The following CR1L variants were observed in gnomAD, a reference collection of about 807,000 sequenced individuals.
CR1L encodes complement C3b/C4b receptor 1 like, also known as complement component receptor 1-like protein.
Under a neutral mutation model 62.3 loss-of-function variants are expected in CR1L, and 59 were observed. The observed-to-expected ratio is 0.95, with a 90% confidence interval of 0.77 to 1.18. The LOEUF is 1.18. Among genes scored for constraint, CR1L ranks in the 50% most tolerant of loss-of-function variants. CR1L has a pLI of 0.00. For synonymous variants in CR1L, 279 were observed against 248.7 expected, an observed-to-expected ratio of 1.12 and a Z score of -1.15; for missense variants, 700 against 702.8, an observed-to-expected ratio of 1.00 and a Z score of 0.04.
intron 1 of CR1L, among the ~76,000 whole-genome samples, chr1:207,675,015 G>GT (rs1212967119): frequency 6.6e-6 from 1 of 151,884 alleles, no homozygotes; most frequent in Non-Finnish European, 1.5e-5. Context: ...TTTTTTTTAA[G>GT]TTTTATAAGT....
At chr1:207,687,930 A>T (rs1332073568) in intron 4 of CR1L, among the ~76,000 whole-genome samples, 1 of 152,000 alleles carries the variant, frequency 6.6e-6, no homozygotes, top group Non-Finnish European at 1.5e-5. Context: ...CATTTTAATA[A>T]TATTCAATTT....
intron 5 of CR1L, among the ~76,000 whole-genome samples, chr1:207,695,282 C>T (rs1445696707): frequency 6.6e-6 from 1 of 152,112 alleles, no homozygotes; most frequent in Non-Finnish European, 1.5e-5. Flanking sequence ...CATGCTACCA[C>T]ACCTGGTTAA....
At chr1:207,690,109 A>G (rs1253922667) in intron 4 of CR1L, among the ~76,000 whole-genome samples, 1 of 151,948 alleles carries the variant, frequency 6.6e-6, no homozygotes, top group African/African-American at 2.4e-5. Context: ...TTTCTCTTTT[A>G]CTGATTTCTG....
chr1:207,666,533 G>C (rs1269274143), intron 1 of CR1L, among the ~76,000 whole-genome samples: 1 of 152,152 alleles, frequency 6.6e-6, no homozygotes, highest in African/African-American at 2.4e-5. Flanking sequence ...AAAAAAGAAT[G>C]AGATCATGTC....
intron 7 of CR1L, among the ~76,000 whole-genome samples, chr1:207,698,353 C>T (rs1035247712): frequency 2.0e-5 from 3 of 152,090 alleles, no homozygotes; most frequent in Non-Finnish European, 4.4e-5. Flanking sequence ...TAAAAATCAG[C>T]ATTTTAAAAA....
chr1:207,676,813 C>T (rs1476922689), intron 1 of CR1L, among the ~76,000 whole-genome samples: 1 of 152,092 alleles, frequency 6.6e-6, no homozygotes, highest in Non-Finnish European at 1.5e-5. Context: ...TGCCACCATG[C>T]TCTGCTAATT....
chr1:207,646,208 A>G (rs1398164710), intron 1 of CR1L, among the ~76,000 whole-genome samples: 2 of 151,998 alleles, frequency 1.3e-5, no homozygotes, highest in African/African-American at 2.4e-5. Context: ...GCTTTTTGAC[A>G]TTGTTTTCCT....
intron 4 of CR1L, among the ~76,000 whole-genome samples, chr1:207,687,494 C>A (rs578114053): frequency 6.6e-6 from 1 of 152,158 alleles, no homozygotes; most frequent in Non-Finnish European, 1.5e-5. Flanking sequence ...ACCCCAGAAG[C>A]CTTCCTGATG....
chr1:207,650,298 A>T (rs2102438278), intron 1 of CR1L, among the ~76,000 whole-genome samples: 1 of 152,332 alleles, frequency 6.6e-6, no homozygotes, highest in Middle Eastern at 3.4e-3. Context: ...TTACCTTGGT[A>T]TGAGCCAGAG....
At chr1:207,681,421 A>C (rs764645517) in intron 3 of CR1L, among the ~76,000 whole-genome samples, 22 of 152,222 alleles carry the variant, frequency 1.4e-4, no homozygotes, top group Non-Finnish European at 2.9e-4. Context: ...GCTCTCCTTA[A>C]AATAAGTAGC....
At chr1:207,652,756 T>TG (rs1186192190) in intron 1 of CR1L, 3 of 747,602 alleles carry the variant, frequency 4.0e-6, no homozygotes, top group African/African-American at 3.5e-5. Context: ...TAGCCTTTTT[T>TG]TTTTGTTTTC....
At chr1:207,650,275 C>T (rs1372029901) in intron 1 of CR1L, among the ~76,000 whole-genome samples, 1 of 152,164 alleles carries the variant, frequency 6.6e-6, no homozygotes, top group East Asian at 1.9e-4. Context: ...CTCCTACAGA[C>T]TCATCAGGGA....
chr1:207,703,989 T>C (rs1314367031), intron 9 of CR1L, among the ~76,000 whole-genome samples: 1 of 151,882 alleles, frequency 6.6e-6, no homozygotes, highest in Non-Finnish European at 1.5e-5. Context: ...GAAAAAAAAA[T>C]ACATTTTGTA....
intron 11 of CR1L, among the ~76,000 whole-genome samples, chr1:207,718,266 G>A (rs1284283992): frequency 6.6e-6 from 1 of 152,176 alleles, no homozygotes; most frequent in East Asian, 1.9e-4. Flanking sequence ...GTCTGAGACT[G>A]TACTCTTAGC....
rs117642742 is a variant in CR1L at position 207,713,993 on chromosome 1, C to T, written c.1415-3471C>T. ...GGAATAACTTCCCTCCCCTAGGAGA[C>T]GGCAAAGAGCCACTGTATTACAGCC... On this transcript the variant is annotated intron_variant, in intron 10 of 11. Transcript: ENST00000508064. 2.7e-3 allele frequency among the ~76,000 whole-genome samples: 405 copies of T among 152,304 alleles called. 12 individuals are homozygous for T. In the East Asian group the frequency reaches 0.048, roughly 18 times the overall value.
At chr1:207,687,139 A>T (rs1663924315) in intron 4 of CR1L, among the ~76,000 whole-genome samples, 1 of 152,196 alleles carries the variant, frequency 6.6e-6, no homozygotes, top group African/African-American at 2.4e-5. Flanking sequence ...CTTTCTTGTA[A>T]TGTCCTCATA....
At chr1:207,709,005 T>C in intron 10 of CR1L, 1 of 321,184 alleles carries the variant, frequency 3.1e-6, no homozygotes, top group East Asian at 8.3e-5. Flanking sequence ...TTTGTATTAC[T>C]TCTGAATCTG....
At chr1:207,669,651 C>A in intron 1 of CR1L, 1 of 780,942 alleles carries the variant, frequency 1.3e-6, no homozygotes, top group Non-Finnish European at 2.0e-6. Flanking sequence ...CGCTGGGCTG[C>A]GCTGCTCTGC....
At chr1:207,715,310 A>C in intron 10 of CR1L, 1 of 1,570,348 alleles carries the variant, frequency 6.4e-7, no homozygotes, top group Non-Finnish European at 8.7e-7. Flanking sequence ...TTTTTTCTTT[A>C]GGTTCTGATT....
Sources: gnomAD v4.1 joint callset for allele counts (sites outside exome capture counted in the v4.1 genomes callset) on GRCh38, gnomAD v4.1.1 for gene constraint, MANE v1.5 for transcripts, NCBI Gene and HGNC (gene_info 2026-07-23, HGNC 2026-07-21) for gene names.